RTN1: variants seen among roughly 807,000 people sequenced by gnomAD.
The protein encoded by RTN1 is reticulon 1, also known as reticulon-1.
RTN1 carries 25 observed loss-of-function variants against 65.5 expected under a neutral mutation model. That is an observed-to-expected ratio of 0.38 (90% CI 0.28 to 0.53). RTN1 has a LOEUF of 0.53. Ranked by LOEUF, RTN1 falls within the 20% of genes least tolerant of loss-of-function variation. The pLI is 0.79. For missense variants in RTN1, 983 were observed against 1,025.4 expected (o/e 0.96, Z 0.57); for synonymous variants, 471 against 447.6 (o/e 1.05, Z -0.66).
At chr14:59,678,622 A>G (rs567100960) in intron 3 of RTN1, among the ~76,000 whole-genome samples, 1 of 152,278 alleles carries the variant, frequency 6.6e-6, no homozygotes, top group East Asian at 1.9e-4. Context: ...TGGGACCTCA[A>G]GAGCTGAAGG....
chr14:59,658,438 T>A (rs1294311746), intron 3 of RTN1, among the ~76,000 whole-genome samples: 1 of 152,180 alleles, frequency 6.6e-6, no homozygotes, highest in East Asian at 1.9e-4. Context: ...GTCTCCTGAA[T>A]GGGAGACACC....
intron 3 of RTN1, among the ~76,000 whole-genome samples, chr14:59,664,323 G>C (rs1405282985): frequency 6.6e-6 from 1 of 152,090 alleles, no homozygotes; most frequent in Admixed American, 6.6e-5. Flanking sequence ...GTCAGGTGGT[G>C]GGGGGAAAGG....
At chr14:59,862,003 C>G (rs963366848) in intron 1 of RTN1, among the ~76,000 whole-genome samples, 1 of 152,058 alleles carries the variant, frequency 6.6e-6, no homozygotes, top group African/African-American at 2.4e-5. Flanking sequence ...TAATGTGCAC[C>G]TGAGACTTTC....
intron 3 of RTN1, among the ~76,000 whole-genome samples, chr14:59,693,508 C>T (rs1273923533): frequency 6.6e-6 from 1 of 152,122 alleles, no homozygotes; most frequent in East Asian, 1.9e-4. Flanking sequence ...TCACCCCTTC[C>T]CACCCTCACC....
chr14:59,758,076 C>T (rs1432584736), intron 1 of RTN1, among the ~76,000 whole-genome samples: 1 of 152,028 alleles, frequency 6.6e-6, no homozygotes, highest in African/African-American at 2.4e-5. Flanking sequence ...AACCACCGAT[C>T]CTTTTACTGT....
At chr14:59,672,202 G>A (rs1883520785) in intron 3 of RTN1, among the ~76,000 whole-genome samples, 1 of 152,128 alleles carries the variant, frequency 6.6e-6, no homozygotes, top group Non-Finnish European at 1.5e-5. Context: ...CAGGAAAAAT[G>A]AGACACTTGC....
At chr14:59,810,124 A>G (rs1886701883) in intron 1 of RTN1, among the ~76,000 whole-genome samples, 1 of 152,144 alleles carries the variant, frequency 6.6e-6, no homozygotes, top group Non-Finnish European at 1.5e-5. Flanking sequence ...TTTGATCTGG[A>G]CTATCTTTTT....
chr14:59,757,225 A>G (rs1885657749), intron 1 of RTN1, among the ~76,000 whole-genome samples: 1 of 152,100 alleles, frequency 6.6e-6, no homozygotes, highest in South Asian at 2.1e-4. Context: ...GGAGGCTGAT[A>G]TAGTTTGGCT....
rs1390747445 is a variant in RTN1, at chr14:59,829,080, C to G, written c.241+41310G>C. ...ATGGACTTTAGGACACTTAACCCCT[C>G]TAAGTCTCCAGATGAGCTGCTTACT... is the stretch of plus-strand genomic sequence containing the variant. On this transcript the variant is annotated intron_variant, in intron 1 of 8. Transcript: ENST00000267484. The surrounding 1 kb of genome is among the most constrained non-coding windows in gnomAD (Gnocchi z 4.3). 6.6e-6 allele frequency among the ~76,000 whole-genome samples: 1 copy of G among 152,152 alleles called. No individual in the cohort carries two copies. Among genetic ancestry groups the G allele is most frequent in the Middle Eastern group, 3.2e-3 (1 of 316 alleles).
At chr14:59,642,965 T>A (rs141147837) in intron 3 of RTN1, among the ~76,000 whole-genome samples, 1 of 152,230 alleles carries the variant, frequency 6.6e-6, no homozygotes. Flanking sequence ...AACTGAGGAA[T>A]TGATAAATTC....
At chr14:59,710,363 T>C (rs1884392135) in intron 3 of RTN1, among the ~76,000 whole-genome samples, 1 of 152,154 alleles carries the variant, frequency 6.6e-6, no homozygotes, top group Admixed American at 6.5e-5. Flanking sequence ...AGTTTCACTT[T>C]AAAAAATAGA....
intron 6 of RTN1, 92 bp downstream of exon 6, chr14:59,603,760 T>A: frequency 1.1e-6 from 1 of 924,364 alleles, no homozygotes; most frequent in South Asian, 1.5e-5. Flanking sequence ...TTCCTAGGAA[T>A]CTCTTTAAAC....
rs1186583945 is a variant in RTN1 at position 59,737,244 on chromosome 14, A to G, written c.1015+8464T>C. Reference sequence around the variant, plus strand: ...CTAACTATCTTTGTTTGCAGATGACATGATCCTATATCTAGAAAATCCCAT... The same window carrying G: ...CTAACTATCTTTGTTTGCAGATGACGTGATCCTATATCTAGAAAATCCCAT... On this transcript the variant is annotated intron_variant, in intron 2 of 8. Transcript: ENST00000267484. Among the ~76,000 whole-genome samples the G allele has an allele frequency of 3.3e-5, 5 of 152,236 alleles. 1 individual carries two copies. In the East Asian group the frequency reaches 9.6e-4, roughly 29 times the overall value.
intron 2 of RTN1, among the ~76,000 whole-genome samples, chr14:59,743,984 G>A (rs891964636): frequency 6.6e-6 from 1 of 152,148 alleles, no homozygotes; most frequent in African/African-American, 2.4e-5. Flanking sequence ...TGTTTGTTGC[G>A]TGAATGAGTA....
chr14:59,746,611 C>T (rs1195178409), intron 1 of RTN1, 130 bp from the exon 2 acceptor site: 57 of 706,510 alleles, frequency 8.1e-5, no homozygotes, highest in Non-Finnish European at 1.1e-4. Flanking sequence ...GGAGTTCCCT[C>T]GGAGCTCCCT....
intron 3 of RTN1, among the ~76,000 whole-genome samples, chr14:59,691,449 T>G (rs1482361698): frequency 6.6e-6 from 1 of 151,912 alleles, no homozygotes; most frequent in Admixed American, 6.6e-5. Flanking sequence ...AATTAAAACA[T>G]GTACCAACCA....
At chr14:59,728,542 T>C (rs1884832598) in intron 2 of RTN1, among the ~76,000 whole-genome samples, 1 of 152,214 alleles carries the variant, frequency 6.6e-6, no homozygotes, top group South Asian at 2.1e-4. Flanking sequence ...TTCCCTCCCA[T>C]AGATGAGACG....
At chr14:59,724,591 G>A (rs1167356244) in intron 3 of RTN1, among the ~76,000 whole-genome samples, 12 of 152,308 alleles carry the variant, frequency 7.9e-5, no homozygotes, top group South Asian at 2.1e-4. Context: ...GGGGCTGGGC[G>A]TGGTGGCTCA....
At chr14:59,643,325 C>T (rs2140193282) in intron 3 of RTN1, among the ~76,000 whole-genome samples, 1 of 152,274 alleles carries the variant, frequency 6.6e-6, no homozygotes. Flanking sequence ...GTTCAAGCAA[C>T]TCTCCTGCCT....
Sources: allele counts gnomAD v4.1 joint callset (sites outside exome capture counted in the v4.1 genomes callset), GRCh38; gene constraint gnomAD v4.1.1; non-coding constraint Gnocchi (gnomAD v3.1); transcripts MANE v1.5; gene names NCBI Gene and HGNC (gene_info 2026-07-23, HGNC 2026-07-21).